Variants in SLC9D1 observed in about 807,000 individuals in gnomAD.
The protein encoded by SLC9D1 is putative LAG1-interacting protein.
At chr13:113,503,346 TGTGTGTGTGTGTGTG>T in the SLC9D1 span, 549 of 155,214 alleles carry the variant, frequency 3.5e-3, no homozygotes, top group Non-Finnish European at 5.6e-3. Context: ...ACTGTGTGAT[TGTGTGTGTGTGTGTG>T]TGTGTGTGTG....
At chr13:113,495,521 A>G in the SLC9D1 span, 1 of 1,220,716 alleles carries the variant, frequency 8.2e-7, no homozygotes, top group East Asian at 2.4e-5. Context: ...TGTGTCTGAC[A>G]TGCAAGCTCA....
At chr13:113,534,110 TTTTTC>T in the SLC9D1 span, 1 of 1,612,746 alleles carries the variant, frequency 6.2e-7, no homozygotes. Context: ...CTAGCGGCGG[TTTTTC>T]TTTTATGTCT....
chr13:113,511,244 G>A, the SLC9D1 span, among the ~76,000 whole-genome samples: 1 of 152,228 alleles, frequency 6.6e-6, no homozygotes, highest in Admixed American at 6.5e-5. Flanking sequence ...GTAAAATACG[G>A]GGTCGAAATG....
the SLC9D1 span, among the ~76,000 whole-genome samples, chr13:113,541,112 C>A: frequency 3.3e-5 from 5 of 152,158 alleles, no homozygotes; most frequent in Non-Finnish European, 7.3e-5. Flanking sequence ...GTTGCTGTAG[C>A]CTGTGCTAGA....
At chr13:113,496,222 C>T in the SLC9D1 span, among the ~76,000 whole-genome samples, 1 of 152,228 alleles carries the variant, frequency 6.6e-6, no homozygotes. Context: ...AAAAATCTCT[C>T]ATGTGAGGGA....
the SLC9D1 span, among the ~76,000 whole-genome samples, chr13:113,509,810 C>T: frequency 3.9e-5 from 6 of 152,304 alleles, no homozygotes; most frequent in East Asian, 1.9e-4. Flanking sequence ...GTGCTGAGTG[C>T]ACCCCGAGGC....
the SLC9D1 span, chr13:113,534,383 C>T: frequency 1.5e-6 from 1 of 686,758 alleles, no homozygotes. Context: ...TTTATACACA[C>T]TTTCTTATAC....
the SLC9D1 span, chr13:113,498,376 A>AAAAACATC: frequency 6.4e-7 from 1 of 1,562,310 alleles, no homozygotes; most frequent in Non-Finnish European, 8.6e-7. Context: ...CTGGCAGCAG[A>AAAAACATC]AAAACATCAA....
the SLC9D1 span, among the ~76,000 whole-genome samples, chr13:113,526,381 G>A: frequency 2.4e-3 from 372 of 152,280 alleles, no homozygotes; most frequent in Non-Finnish European, 3.9e-3. Context: ...AAAAGTTACA[G>A]TAAGTTAAGG....
the SLC9D1 span, among the ~76,000 whole-genome samples, chr13:113,507,168 C>T: frequency 2.6e-5 from 4 of 152,076 alleles, no homozygotes; most frequent in South Asian, 4.1e-4. Context: ...TCCTCTCACC[C>T]GTTGCCGAGC....
the SLC9D1 span, chr13:113,548,194 C>G: frequency 1.6e-6 from 2 of 1,268,878 alleles, no homozygotes; most frequent in East Asian, 2.3e-5. Flanking sequence ...ACGTGTTATT[C>G]AGGGACCATC....
the SLC9D1 span, among the ~76,000 whole-genome samples, chr13:113,542,918 G>C: frequency 6.6e-6 from 1 of 152,092 alleles, no homozygotes; most frequent in African/African-American, 2.4e-5. Flanking sequence ...AGGTGAAATA[G>C]GACCATTCAG....
the SLC9D1 span, chr13:113,529,365 T>G: frequency 1.3e-5 from 2 of 150,746 alleles, no homozygotes; most frequent in Non-Finnish European, 2.9e-5. Context: ...GAAGATGGCT[T>G]GAGAGCCGGG....
At chr13:113,491,633 C>T in the SLC9D1 span, among the ~76,000 whole-genome samples, 2 of 152,248 alleles carry the variant, frequency 1.3e-5, no homozygotes, top group Non-Finnish European at 2.9e-5. Context: ...GGTCCCGCTC[C>T]TCCAGGCCTT....
the SLC9D1 span, among the ~76,000 whole-genome samples, chr13:113,500,948 C>A: frequency 1.1e-4 from 16 of 152,290 alleles, no homozygotes; most frequent in African/African-American, 3.1e-4. Flanking sequence ...TAAAACTATT[C>A]TTTCTCCCTT....
At chr13:113,509,307 G>GTCTA in the SLC9D1 span, among the ~76,000 whole-genome samples, 4 of 103,634 alleles carry the variant, frequency 3.9e-5, no homozygotes, top group African/African-American at 2.0e-4. Flanking sequence ...GGAGCTTCCT[G>GTCTA]TGTTAGGATG....
At chr13:113,543,536 C>T in the SLC9D1 span, among the ~76,000 whole-genome samples, 1 of 36,866 alleles carries the variant, frequency 2.7e-5, no homozygotes, top group Admixed American at 3.5e-4. Flanking sequence ...TTCCTCCCCC[C>T]GTGCCCCCAA....
the SLC9D1 span, chr13:113,547,471 C>CCGGCT: frequency 1.9e-6 from 2 of 1,034,330 alleles, no homozygotes; most frequent in Non-Finnish European, 3.0e-6. Flanking sequence ...CCACATCGGG[C>CCGGCT]CTGCAGAGCC....
At chr13:113,532,351 T>C in the SLC9D1 span, among the ~76,000 whole-genome samples, 59,266 of 152,016 alleles carry the variant, frequency 0.39, 12,712 homozygotes, top group African/African-American at 0.57. Flanking sequence ...ATTTGAGGAA[T>C]GCAGCTAAGC....
Sources: gnomAD v4.1 joint callset for allele counts (sites outside exome capture counted in the v4.1 genomes callset) on GRCh38, gnomAD v4.1.1 for gene constraint, MANE v1.5 for transcripts, NCBI Gene and HGNC (gene_info 2026-07-23, HGNC 2026-07-21) for gene names.